The following HPSE2 variants were observed in gnomAD, a reference collection of about 807,000 sequenced individuals.
HPSE2 encodes inactive heparanase-2.
In HPSE2, 38 loss-of-function variants were observed where a neutral mutation model predicts 60.5. The observed-to-expected ratio is 0.63, with a 90% CI of 0.48 to 0.82. The LOEUF (loss-of-function observed/expected upper bound fraction) is 0.82, where lower values mean the gene tolerates loss of function less well. Among genes scored for constraint, HPSE2 ranks in the 40% least tolerant of loss-of-function variants. The pLI is 0.00. For missense variants in HPSE2, 713 were observed against 740.4 expected, an observed-to-expected ratio of 0.96 and a Z score of 0.43; for synonymous variants, 295 against 293.2, an observed-to-expected ratio of 1.01 and a Z score of -0.06.
chr10:99,162,260 C>G (rs2133773144), intron 2 of HPSE2, among the ~76,000 whole-genome samples: 1 of 152,258 alleles, frequency 6.6e-6, no homozygotes, highest in East Asian at 1.9e-4. Flanking sequence ...AGAAACAGAG[C>G]TACAGAGTTT....
intron 2 of HPSE2, among the ~76,000 whole-genome samples, chr10:99,150,882 G>C (rs1040264982): frequency 1.3e-5 from 2 of 152,114 alleles, no homozygotes; most frequent in African/African-American, 4.8e-5. Context: ...TCAATCCACA[G>C]AGAAATCCAT....
intron 9 of HPSE2, among the ~76,000 whole-genome samples, chr10:98,550,287 GC>G (rs1236679699): frequency 6.3e-5 from 4 of 63,450 alleles, no homozygotes; most frequent in Non-Finnish European, 1.4e-4. Context: ...TTAATGCTTA[GC>G]ATTTTTTTTT....
chr10:99,065,055 A>G lies in HPSE2; in HGVS notation c.610+79183T>C, dbSNP rs375427233. Among the ~76,000 whole-genome samples the G allele has an allele frequency of 1.1e-4, 16 of 152,274 alleles. No individual in the cohort carries two copies. The South Asian group carries it at 1.7e-3, about 16-fold the overall frequency. ...CTTGTCTTCTAAAATAATTACACCAAACTTAAATTTCCTTCTTTTTATATC... is the reference window on the plus strand; with the variant it reads ...CTTGTCTTCTAAAATAATTACACCAGACTTAAATTTCCTTCTTTTTATATC... On this transcript the variant is annotated intron_variant, in intron 3 of 11. Transcript: ENST00000370552.
At chr10:98,474,247 G>T (rs759113517) in intron 11 of HPSE2, among the ~76,000 whole-genome samples, 2 of 152,138 alleles carry the variant, frequency 1.3e-5, no homozygotes, top group African/African-American at 2.4e-5. Context: ...TGGGGTTAAG[G>T]TTTTTCCCAA....
chr10:99,105,004 A>G (rs1192507423), intron 3 of HPSE2, among the ~76,000 whole-genome samples: 1 of 151,888 alleles, frequency 6.6e-6, no homozygotes, highest in African/African-American at 2.4e-5. Flanking sequence ...TGGCACATGT[A>G]TACATATGTA....
chr10:98,504,942 A>AC (rs1249320172), intron 9 of HPSE2, among the ~76,000 whole-genome samples: 4 of 152,214 alleles, frequency 2.6e-5, no homozygotes, highest in Non-Finnish European at 5.9e-5. Context: ...TTAGCTTTAT[A>AC]AAAATGGTAC....
At chr10:98,610,738 T>C (rs762703578) in intron 9 of HPSE2, among the ~76,000 whole-genome samples, 3 of 152,170 alleles carry the variant, frequency 2.0e-5, no homozygotes, top group Admixed American at 6.5e-5. Context: ...ATTAGTTCCA[T>C]AGATGAATTT....
At chr10:98,771,827 A>G (rs1950247612) in intron 3 of HPSE2, among the ~76,000 whole-genome samples, 1 of 152,206 alleles carries the variant, frequency 6.6e-6, no homozygotes, top group East Asian at 1.9e-4. Context: ...AGCCATGTTG[A>G]GCAACGTAGA....
chr10:98,996,278 T>TTGAAAA (rs1564723205), intron 3 of HPSE2, among the ~76,000 whole-genome samples: 1 of 152,126 alleles, frequency 6.6e-6, no homozygotes. Flanking sequence ...CCAAAATTGT[T>TTGAAAA]TGAAAATTAA....
At chr10:99,175,728 C>T (rs1426614047) in intron 2 of HPSE2, among the ~76,000 whole-genome samples, 1 of 152,186 alleles carries the variant, frequency 6.6e-6, no homozygotes, top group African/African-American at 2.4e-5. Flanking sequence ...CCTGCTGGCT[C>T]TGAATAGAGG....
chr10:98,633,021 C>A (rs1183170164), intron 7 of HPSE2, among the ~76,000 whole-genome samples: 1 of 152,138 alleles, frequency 6.6e-6, no homozygotes, highest in Non-Finnish European at 1.5e-5. Flanking sequence ...TCTACCTCCC[C>A]CACCTCTTCT....
intron 3 of HPSE2, among the ~76,000 whole-genome samples, chr10:99,059,005 G>A (rs1958175566): frequency 6.6e-6 from 1 of 152,202 alleles, no homozygotes; most frequent in African/African-American, 2.4e-5. Context: ...GTAAATGAAT[G>A]AGCATGGCTG....
At chr10:98,788,765 C>G (rs550963167) in intron 3 of HPSE2, among the ~76,000 whole-genome samples, 7 of 151,618 alleles carry the variant, frequency 4.6e-5, no homozygotes, top group South Asian at 2.1e-4. Context: ...TGACCCCTTG[C>G]GCTTCCCAGG....
At chr10:98,484,480 ACCCG>A (rs1430360336) in intron 10 of HPSE2, among the ~76,000 whole-genome samples, 2 of 152,060 alleles carry the variant, frequency 1.3e-5, no homozygotes, top group African/African-American at 2.4e-5. Context: ...TCAAGTGATC[ACCCG>A]CCTTGGCCTC....
At chr10:99,209,351 C>T (rs1848874019) in intron 2 of HPSE2, among the ~76,000 whole-genome samples, 1 of 152,012 alleles carries the variant, frequency 6.6e-6, no homozygotes, top group African/African-American at 2.4e-5. Flanking sequence ...TCAGAAATTT[C>T]ACAAATACAT....
intron 3 of HPSE2, among the ~76,000 whole-genome samples, chr10:98,813,599 C>G (rs1396593145): frequency 6.6e-6 from 1 of 152,150 alleles, no homozygotes; most frequent in Non-Finnish European, 1.5e-5. Context: ...AATTTAAGGA[C>G]AGAGATTCTG....
chr10:99,180,889 C>CAAAAAAAA lies in HPSE2; in HGVS notation c.449-36498_449-36491dup, dbSNP rs68033581. On this transcript the variant is annotated intron_variant, in intron 2 of 11. Transcript: ENST00000370552. ...TGGGCAACAAGGCAAGACTCCATCT[C>CAAAAAAAA]AAAAAAAAAAAAAAAAAAAAAAAAA... is the stretch of plus-strand genomic sequence containing the variant. Among the ~76,000 whole-genome samples the CAAAAAAAA allele has an allele frequency of 1.7e-4, 5 of 29,700 alleles. 1 individual carries two copies. The highest frequency in any genetic ancestry group is 1.1e-3 in the African/African-American group (5 of 4,634). The allele number at this position is 29,700 out of a possible 152,430, so 19.5% of individuals were successfully genotyped here. A position where few individuals can be genotyped will look rare whatever the true frequency, so the allele number is the denominator to read the frequency against.
chr10:98,606,780 T>A (rs568704013), intron 9 of HPSE2, among the ~76,000 whole-genome samples: 1 of 152,140 alleles, frequency 6.6e-6, no homozygotes, highest in South Asian at 2.1e-4. Context: ...ATTTGTTCTA[T>A]TTTTTAATAA....
At chr10:98,582,323 T>C (rs991629398) in intron 9 of HPSE2, among the ~76,000 whole-genome samples, 2 of 152,346 alleles carry the variant, frequency 1.3e-5, no homozygotes, top group Admixed American at 1.3e-4. Flanking sequence ...ATCTTTAAAA[T>C]AGAAATGTAT....
Sources: gnomAD v4.1 joint callset for allele counts (sites outside exome capture counted in the v4.1 genomes callset) on GRCh38, gnomAD v4.1.1 for gene constraint, MANE v1.5 for transcripts, NCBI Gene and HGNC (gene_info 2026-07-23, HGNC 2026-07-21) for gene names.